Variants in BACH2 observed in about 807,000 individuals in gnomAD.
BACH2 encodes transcription regulator protein BACH2.
Under a neutral mutation model 61.8 loss-of-function variants are expected in BACH2, and 5 were observed. That is an observed-to-expected ratio of 0.08 (90% CI 0.04 to 0.17). The LOEUF (loss-of-function observed/expected upper bound fraction) is 0.17. Ranked by LOEUF, BACH2 falls within the 10% of genes least tolerant of loss-of-function variation. The probability of loss-of-function intolerance (pLI) is 1.00; values close to 1 mark genes in which losing one functional copy is unlikely to be tolerated. For synonymous variants in BACH2, 446 were observed against 440.1 expected, an observed-to-expected ratio of 1.01 and a Z score of -0.17; for missense variants, 824 against 1,091.1, an observed-to-expected ratio of 0.76 and a Z score of 3.45.
chr6:90,084,049 T>C (rs1023428252), intron 5 of BACH2, among the ~76,000 whole-genome samples: 2 of 151,782 alleles, frequency 1.3e-5, no homozygotes, highest in Non-Finnish European at 2.9e-5. Flanking sequence ...TCTTGTTTTC[T>C]TCATCGCTGA....
chr6:90,065,264 C>T (rs1780893552), intron 5 of BACH2, among the ~76,000 whole-genome samples: 1 of 109,304 alleles, frequency 9.1e-6, no homozygotes, highest in South Asian at 3.3e-4. Context: ...CCCCCTGCCG[C>T]CCCCACTTTT....
intron 4 of BACH2, among the ~76,000 whole-genome samples, 181 bp downstream of exon 4, chr6:90,206,388 G>A (rs1474644035): frequency 1.3e-5 from 2 of 152,114 alleles, no homozygotes; most frequent in Non-Finnish European, 2.9e-5. Context: ...AGAGGACTAC[G>A]CAGCCAGAGT....
chr6:90,086,435 A>C (rs1781935592), intron 5 of BACH2, among the ~76,000 whole-genome samples: 1 of 152,110 alleles, frequency 6.6e-6, no homozygotes, highest in African/African-American at 2.4e-5. Context: ...TAATTTTTTA[A>C]ATATATGCAC....
At chr6:90,031,868 C>T (rs901323727) in intron 5 of BACH2, among the ~76,000 whole-genome samples, 11 of 152,072 alleles carry the variant, frequency 7.2e-5, no homozygotes, top group East Asian at 1.9e-4. Context: ...AAAGTTCATA[C>T]GGAAACAAAA....
intron 4 of BACH2, among the ~76,000 whole-genome samples, chr6:90,130,788 G>A (rs1784051945): frequency 6.6e-6 from 1 of 152,234 alleles, no homozygotes; most frequent in Non-Finnish European, 1.5e-5. Context: ...GAAGTTAGAA[G>A]AGCATGAAAT....
intron 4 of BACH2, among the ~76,000 whole-genome samples, chr6:90,195,991 C>T (rs2127846153): frequency 6.6e-6 from 1 of 152,300 alleles, no homozygotes; most frequent in South Asian, 2.1e-4. Flanking sequence ...CTTATTCCTA[C>T]CTTGTTAGAT....
chr6:90,286,389 T>C (rs935548393), intron 1 of BACH2, among the ~76,000 whole-genome samples: 5 of 152,208 alleles, frequency 3.3e-5, no homozygotes, highest in African/African-American at 1.2e-4. Context: ...TGTTCTCTCG[T>C]TTTATACGGG....
chr6:89,972,843 C>A (rs1775442007), intron 6 of BACH2, among the ~76,000 whole-genome samples: 2 of 152,168 alleles, frequency 1.3e-5, no homozygotes, highest in Non-Finnish European at 2.9e-5. Flanking sequence ...GTAATCCCAG[C>A]ACCTTGGCAG....
intron 7 of BACH2, among the ~76,000 whole-genome samples, chr6:89,943,615 T>C (rs1773566328): frequency 6.6e-6 from 1 of 152,184 alleles, no homozygotes. Flanking sequence ...TGGTGCTGTA[T>C]CTATCTCACC....
chr6:90,001,961 A>G (rs1464425704), intron 6 of BACH2, among the ~76,000 whole-genome samples: 1 of 152,170 alleles, frequency 6.6e-6, no homozygotes, highest in Admixed American at 6.5e-5. Flanking sequence ...CTTTCACTCA[A>G]AAAGCCTTAT....
chr6:90,029,018 T>A (rs1488167532), intron 5 of BACH2, among the ~76,000 whole-genome samples: 1 of 152,188 alleles, frequency 6.6e-6, no homozygotes, highest in Non-Finnish European at 1.5e-5. Context: ...CCATGCCAAT[T>A]TTCCCCATTC....
At chr6:90,079,344 T>C (rs1220936226) in intron 5 of BACH2, among the ~76,000 whole-genome samples, 2 of 152,186 alleles carry the variant, frequency 1.3e-5, no homozygotes, top group East Asian at 3.8e-4. Flanking sequence ...AGATATCCTT[T>C]CCTTGCTGTG....
chr6:90,052,217 T>G (rs57105967), intron 5 of BACH2, among the ~76,000 whole-genome samples: 8,432 of 152,246 alleles, frequency 0.055, 752 homozygotes, highest in African/African-American at 0.19. Context: ...AATGTTATAT[T>G]TCTTTACTAA....
At chr6:89,958,820 G>A (rs1774571076) in intron 6 of BACH2, among the ~76,000 whole-genome samples, 1 of 152,002 alleles carries the variant, frequency 6.6e-6, no homozygotes. Flanking sequence ...ATCATCTTCC[G>A]GCTTTTCCTC....
chr6:89,976,628 C>T (rs1161525609), intron 6 of BACH2, among the ~76,000 whole-genome samples: 4 of 152,158 alleles, frequency 2.6e-5, no homozygotes, highest in Non-Finnish European at 4.4e-5. Context: ...TTATGGGTCA[C>T]GTACCCACTA....
At position 90,029,347 on chromosome 6, in the gene BACH2, C is replaced by T. The variant is rs185093656; in HGVS notation, c.-12-20491G>A. Among the ~76,000 whole-genome samples, 139 of 152,230 alleles carry T rather than the reference C, an allele frequency of 9.1e-4. 1 individual carries two copies. The highest frequency in any genetic ancestry group is 1.5e-3 in the Non-Finnish European group (103 of 68,002). On this transcript the variant is annotated intron_variant, in intron 5 of 8. Coordinates refer to ENST00000257749, the MANE Select transcript of BACH2 (RefSeq NM_021813.4). ...TGAAATGAAGATAAAGACTGTCTCC[C>T]GAGAGACTGTTAGGAGATGTAAATG...
chr6:89,957,374 C>T (rs1178443245), intron 6 of BACH2, among the ~76,000 whole-genome samples: 1 of 152,170 alleles, frequency 6.6e-6, no homozygotes, highest in East Asian at 1.9e-4. Context: ...AACAAAGCTT[C>T]TGGTTATTTT....
chr6:90,090,746 T>C (rs1562436855), intron 4 of BACH2, among the ~76,000 whole-genome samples: 1 of 152,158 alleles, frequency 6.6e-6, no homozygotes, highest in Non-Finnish European at 1.5e-5. Context: ...AATTCAGAAA[T>C]AATTCCCATA....
chr6:90,125,204 A>G (rs1371710203), intron 4 of BACH2, among the ~76,000 whole-genome samples: 1 of 152,218 alleles, frequency 6.6e-6, no homozygotes, highest in African/African-American at 2.4e-5. Context: ...AAAAAAAGAT[A>G]ATCAAAAGAT....
Sources: gnomAD v4.1 joint callset for allele counts (sites outside exome capture counted in the v4.1 genomes callset) on GRCh38, gnomAD v4.1.1 for gene constraint, MANE v1.5 for transcripts, NCBI Gene and HGNC (gene_info 2026-07-23, HGNC 2026-07-21) for gene names.